PCDHGA1: variants seen among roughly 807,000 people sequenced by gnomAD.
PCDHGA1 encodes the protein protocadherin gamma-A1.
PCDHGA1 carries 32 observed loss-of-function variants against 58.0 expected under a neutral mutation model. The ratio of observed to expected loss-of-function variants is 0.55; its 90% confidence interval spans 0.42 to 0.74. The LOEUF (loss-of-function observed/expected upper bound fraction) is 0.74, where lower values mean the gene tolerates loss of function less well. PCDHGA1 is among the 30% of genes least tolerant of loss of function. The probability of loss-of-function intolerance (pLI) is 0.00; values close to 1 mark genes in which losing one functional copy is unlikely to be tolerated. For missense variants in PCDHGA1, 1,205 were observed against 1,182.3 expected (o/e 1.02, Z -0.28); for synonymous variants, 498 against 501.1 (o/e 0.99, Z 0.08).
Position 141,490,012 on chromosome 5 carries a change from G to A in PCDHGA1, c.2422-4795G>A. 1 of 1,614,232 alleles carries A rather than the reference G, an allele frequency of 6.2e-7. No homozygotes were observed. Among genetic ancestry groups the A allele is most frequent in the Non-Finnish European group, 8.5e-7 (1 of 1,180,044 alleles). ...GGGAATCCCAGAGAATGCACCCATT[G>A]GTACTCTGCTGCTCCGCCTCAATGC... is the stretch of plus-strand genomic sequence containing the variant. On this transcript the variant is annotated intron_variant, in intron 1 of 3. Transcript: ENST00000517417. This position sits in a 1 kb window ranked among gnomAD's most constrained non-coding sequence, Gnocchi z 5.4.
At chr5:141,425,353 T>C (rs868017955) in intron 1 of PCDHGA1, among the ~76,000 whole-genome samples, 2 of 152,296 alleles carry the variant, frequency 1.3e-5, no homozygotes, top group Middle Eastern at 3.4e-3. Context: ...CTTTGAAATG[T>C]GATATTAAGA....
intron 1 of PCDHGA1, chr5:141,400,431 A>G (rs542969819): frequency 3.0e-5 from 48 of 1,614,034 alleles, no homozygotes; most frequent in African/African-American, 1.1e-4. Context: ...GTAGTGAGCA[A>G]TTGAGTTCAG....
intron 1 of PCDHGA1, chr5:141,390,878 G>A (rs2092258677): frequency 6.5e-6 from 1 of 153,282 alleles, no homozygotes; most frequent in Non-Finnish European, 1.5e-5. Flanking sequence ...GTGTGTGTGT[G>A]TGTGTGTGTG....
chr5:141,492,220 C>T (rs1388948434), intron 1 of PCDHGA1, among the ~76,000 whole-genome samples: 2 of 152,190 alleles, frequency 1.3e-5, no homozygotes, highest in Non-Finnish European at 1.5e-5. Context: ...GGGGCTCATG[C>T]GTGTCCTCCC....
At chr5:141,462,980 G>T (rs1249102130) in intron 1 of PCDHGA1, among the ~76,000 whole-genome samples, 1 of 152,006 alleles carries the variant, frequency 6.6e-6, no homozygotes, top group Non-Finnish European at 1.5e-5. Flanking sequence ...AGTAACTTTT[G>T]CCTTGGGCTA....
intron 1 of PCDHGA1, chr5:141,351,151 C>G: frequency 1.2e-6 from 2 of 1,614,024 alleles, no homozygotes; most frequent in Non-Finnish European, 1.7e-6. Context: ...CTGGCGACAT[C>G]ACAACCAATG....
chr5:141,364,567 G>A (rs1034975661), intron 1 of PCDHGA1: 6 of 1,614,130 alleles, frequency 3.7e-6, no homozygotes, highest in Non-Finnish European at 5.1e-6. Flanking sequence ...CCCTGAACCC[G>A]CGAAGCGGCA....
chr5:141,399,659 T>A (rs1277891886), intron 1 of PCDHGA1: 1 of 1,613,684 alleles, frequency 6.2e-7, no homozygotes, highest in African/African-American at 1.3e-5. Flanking sequence ...GGGGTGGTGT[T>A]CGCGCAGCGC....
intron 1 of PCDHGA1, chr5:141,360,842 A>G (rs1016848749): frequency 7.4e-6 from 12 of 1,614,028 alleles, no homozygotes; most frequent in Non-Finnish European, 1.0e-5. Flanking sequence ...ACGGATGCCA[A>G]CGATAACCCT....
At chr5:141,499,679 T>G (rs2099793341) in intron 2 of PCDHGA1, among the ~76,000 whole-genome samples, 1 of 150,922 alleles carries the variant, frequency 6.6e-6, no homozygotes, top group South Asian at 2.1e-4. Context: ...CCACCATCTT[T>G]AACAGATGAC....
intron 1 of PCDHGA1, chr5:141,339,598 C>T: frequency 6.2e-7 from 1 of 1,614,198 alleles, no homozygotes; most frequent in Non-Finnish European, 8.5e-7. Flanking sequence ...CTGTTCACCA[C>T]CTCGTTCTCG....
At chr5:141,507,537 C>CA (rs140454890) in intron 3 of PCDHGA1, among the ~76,000 whole-genome samples, 3,617 of 152,286 alleles carry the variant, frequency 0.024, 53 homozygotes, top group East Asian at 0.043. Context: ...AGGCCAGAGA[C>CA]TGAGTATGAA....
In PCDHGA1 at chr5:141,370,640, G is replaced by A. The variant is rs1411940178; in HGVS notation, c.2421+37535G>A. 4.3e-6 allele frequency: 7 copies of A among 1,613,966 alleles called. No homozygotes were observed. In the East Asian group the frequency reaches 1.6e-4, roughly 36 times the overall value. On this transcript the variant is annotated intron_variant, in intron 1 of 3. Transcript: ENST00000517417. The stretch of plus-strand genomic sequence containing the variant: ...TCTTTACCGTGAGCCCCGAAAATGG[G>A]AACTTACTTGTGAGCGACCGTATAG...
Position 141,345,639 on chromosome 5 carries a change from G to C in PCDHGA1, c.2421+12534G>C. 1 of 1,614,180 alleles carries C rather than the reference G, an allele frequency of 6.2e-7. No homozygotes were observed. The highest frequency in any genetic ancestry group is 1.1e-5 in the South Asian group (1 of 91,080). On this transcript the variant is annotated intron_variant, in intron 1 of 3. Transcript: ENST00000517417. ...CTTAAAGCTACTGGTGACAGCCAGC[G>C]ACAGCGGGAACCCTCCACTCAGCAG...
At chr5:141,401,079 C>T (rs1245954946) in intron 1 of PCDHGA1, among the ~76,000 whole-genome samples, 16 of 152,196 alleles carry the variant, frequency 1.1e-4, no homozygotes, top group Admixed American at 1.0e-3. Flanking sequence ...TGCAGTGGCT[C>T]ATGCCTGTAA....
intron 1 of PCDHGA1, among the ~76,000 whole-genome samples, chr5:141,359,718 C>T (rs1296049505): frequency 6.6e-6 from 1 of 152,132 alleles, no homozygotes; most frequent in African/African-American, 2.4e-5. Flanking sequence ...GAAACTTTAA[C>T]ACTCATTTCC....
At chr5:141,375,902 C>T (rs890373642) in intron 1 of PCDHGA1, 5 of 1,613,666 alleles carry the variant, frequency 3.1e-6, no homozygotes, top group African/African-American at 1.3e-5. Context: ...GCTGTCCTAC[C>T]GCCTGCTCAA....
chr5:141,355,399 G>A, intron 1 of PCDHGA1: 5 of 1,614,086 alleles, frequency 3.1e-6, no homozygotes, highest in Non-Finnish European at 4.2e-6. Flanking sequence ...AGTCCGCATC[G>A]TCTCCAGAGG....
chr5:141,332,795 T>G lies in PCDHGA1; in HGVS notation c.2111T>G (p.Phe704Cys), dbSNP rs756388829. Residue 704 changes from phenylalanine (F) to cysteine (C), a missense_variant, in exon 1 of 4, where the codon TTC becomes TGC. Physicochemically the swap from Phe to Cys is radical, Grantham distance 205 (BLOSUM62 -2). Coordinates refer to ENST00000517417, the MANE Select transcript of PCDHGA1 (RefSeq NM_018912.3). This position sits in a 1 kb window ranked among gnomAD's most constrained non-coding sequence, Gnocchi z 4.6. The part of the protein sequence containing the change: ...VVAAAAVSCV[F>C]LAFVIVLLAH... ...GCGGCGGCCGCGGTCTCCTGCGTCT[T>G]CCTGGCCTTCGTCATCGTGCTGCTG... 6.2e-7 allele frequency: 1 copy of G among 1,614,178 alleles called. No individual in the cohort carries two copies. Among genetic ancestry groups the G allele is most frequent in the Admixed American group, 1.7e-5 (1 of 60,038 alleles).
Sources: allele counts gnomAD v4.1 joint callset (sites outside exome capture counted in the v4.1 genomes callset), GRCh38; gene constraint gnomAD v4.1.1; non-coding constraint Gnocchi (gnomAD v3.1); transcripts MANE v1.5; gene names NCBI Gene and HGNC (gene_info 2026-07-23, HGNC 2026-07-21).